The following SLC17A1 variants were observed in gnomAD, a reference collection of about 807,000 sequenced individuals.
The protein encoded by SLC17A1 is solute carrier family 17 member 1.
Under a neutral mutation model 53.5 loss-of-function variants are expected in SLC17A1, and 51 were observed. The ratio of observed to expected loss-of-function variants is 0.95; its 90% CI spans 0.76 to 1.20. The LOEUF (loss-of-function observed/expected upper bound fraction) is 1.20, where lower values mean the gene tolerates loss of function less well. Among genes scored for constraint, SLC17A1 ranks in the 50% most tolerant of loss-of-function variants. The probability of loss-of-function intolerance (pLI) is 0.00; values close to 1 mark genes in which losing one functional copy is unlikely to be tolerated. For synonymous variants in SLC17A1, 179 were observed against 198.8 expected, an observed-to-expected ratio of 0.90 and a Z score of 0.84; for missense variants, 538 against 568.2, an observed-to-expected ratio of 0.95 and a Z score of 0.54.
At chr6:25,816,559 G>A (rs1764364240) in intron 6 of SLC17A1, among the ~76,000 whole-genome samples, 1 of 152,262 alleles carries the variant, frequency 6.6e-6, no homozygotes, top group Non-Finnish European at 1.5e-5. Context: ...GGAATCTAGG[G>A]CAAGCGCCCT....
At chr6:25,808,828 T>C (rs1764048949) in intron 10 of SLC17A1, among the ~76,000 whole-genome samples, 1 of 152,064 alleles carries the variant, frequency 6.6e-6, no homozygotes, top group Non-Finnish European at 1.5e-5. Context: ...ACAACCTCTA[T>C]GGAAAACAGT....
At position 25,803,136 on chromosome 6, in the gene SLC17A1, C is replaced by T. The variant is rs1447536322; in HGVS notation, c.1179-2156G>A. Among the ~76,000 whole-genome samples, 13 of 151,468 alleles carry T rather than the reference C, an allele frequency of 8.6e-5. No homozygotes were observed. The South Asian group carries it at 2.5e-3, about 29-fold the overall frequency. On this transcript the variant is annotated intron_variant, in intron 10 of 12. Transcript: ENST00000244527. ...TAATTTTTTGTATTTTTAGTAGAGA[C>T]GGGGTTTCACTGTATTAGCCAGGAT... is the stretch of plus-strand genomic sequence containing the variant.
At chr6:25,733,509 C>T in the SLC17A1 span, among the ~76,000 whole-genome samples, 1 of 151,882 alleles carries the variant, frequency 6.6e-6, no homozygotes, top group Admixed American at 6.6e-5. Context: ...AGACCGTAGC[C>T]ATGCTATGTT....
intron 12 of SLC17A1, among the ~76,000 whole-genome samples, chr6:25,786,812 G>A (rs1010974604): frequency 6.6e-6 from 1 of 152,108 alleles, no homozygotes; most frequent in African/African-American, 2.4e-5. Context: ...TAGCGGATGA[G>A]GAGAAAAGCC....
At chr6:25,831,574 A>T (rs1272207576) in intron 1 of SLC17A1, among the ~76,000 whole-genome samples, 1 of 152,154 alleles carries the variant, frequency 6.6e-6, no homozygotes, top group Non-Finnish European at 1.5e-5. Flanking sequence ...CACTCCAGAC[A>T]CATAGCAAAC....
the SLC17A1 span, chr6:25,771,113 G>C: frequency 1.0e-6 from 1 of 972,564 alleles, no homozygotes; most frequent in Non-Finnish European, 1.6e-6. Flanking sequence ...TATTTACATA[G>C]CTAAAGCTGG....
chr6:25,760,164 G>A, the SLC17A1 span, among the ~76,000 whole-genome samples: 1 of 152,144 alleles, frequency 6.6e-6, no homozygotes, highest in African/African-American at 2.4e-5. Context: ...ATAGGATCTG[G>A]TTCTTTTAAT....
chr6:25,812,781 TAC>T, intron 8 of SLC17A1, 48 bp downstream of exon 8: 3 of 1,416,274 alleles, frequency 2.1e-6, no homozygotes, highest in Non-Finnish European at 2.9e-6. Context: ...CAGACAAATG[TAC>T]ACAGAGTCTT....
chr6:25,725,532 A>C, the SLC17A1 span, among the ~76,000 whole-genome samples: 1 of 152,188 alleles, frequency 6.6e-6, no homozygotes. Flanking sequence ...TTAAACAGGA[A>C]GATTACACCT....
At chr6:25,735,824 G>A in the SLC17A1 span, among the ~76,000 whole-genome samples, 1 of 152,108 alleles carries the variant, frequency 6.6e-6, no homozygotes, top group Non-Finnish European at 1.5e-5. Flanking sequence ...GTCAATCAGG[G>A]CAGTCCACTC....
chr6:25,792,402 C>T (rs191673742), intron 12 of SLC17A1, among the ~76,000 whole-genome samples: 3 of 152,250 alleles, frequency 2.0e-5, no homozygotes, highest in Admixed American at 6.5e-5. Flanking sequence ...CCAAGGCAGG[C>T]GAATCACTTG....
the SLC17A1 span, among the ~76,000 whole-genome samples, chr6:25,772,474 C>G: frequency 6.6e-6 from 1 of 151,986 alleles, no homozygotes; most frequent in African/African-American, 2.4e-5. Context: ...GCTAGCCAAA[C>G]AAAGAGAGCT....
At chr6:25,743,895 G>C in the SLC17A1 span, among the ~76,000 whole-genome samples, 1 of 152,200 alleles carries the variant, frequency 6.6e-6, no homozygotes, top group Admixed American at 6.5e-5. Context: ...AGAATTACTG[G>C]GTTGAGCATG....
At chr6:25,807,057 A>T (rs535040790) in intron 10 of SLC17A1, among the ~76,000 whole-genome samples, 18 of 152,112 alleles carry the variant, frequency 1.2e-4, no homozygotes, top group Non-Finnish European at 1.3e-4. Context: ...GTAAAAAGAG[A>T]TTGCTTAATA....
At chr6:25,823,243 C>T (rs1764625975) in intron 3 of SLC17A1, among the ~76,000 whole-genome samples, 1 of 152,060 alleles carries the variant, frequency 6.6e-6, no homozygotes, top group Non-Finnish European at 1.5e-5. Context: ...TTTTGGCTAT[C>T]AGAAATAAAG....
Position 25,819,896 on chromosome 6 carries a change from C to T in SLC17A1, c.227G>A (p.Ser76Asn), listed in dbSNP as rs6933573. The T allele has an allele frequency of 6.5e-3, 10,548 of 1,611,108 alleles. 358 individuals carry two copies. In the African/African-American group the frequency reaches 0.094, roughly 14 times the overall value. ...DNIKNPMYNW[S>N]PDIQGIILSS... ...CAAGATGATTCCCTGGATATCTGGG[C>T]TCCAATTATACATAGGGTTCTAAAA... Residue 76 changes from serine to asparagine, a missense_variant, in exon 4 of 13, where the codon AGC becomes AAC. Coordinates refer to ENST00000244527, the MANE Select transcript of SLC17A1 (RefSeq NM_005074.5).
At chr6:25,726,509 G>A in the SLC17A1 span, 3 of 1,610,472 alleles carry the variant, frequency 1.9e-6, no homozygotes, top group Non-Finnish European at 1.7e-6. Flanking sequence ...TTTCCTCCCT[G>A]CTTCCCTCGT....
the SLC17A1 span, among the ~76,000 whole-genome samples, chr6:25,751,637 C>T: frequency 6.6e-6 from 1 of 152,196 alleles, no homozygotes; most frequent in Admixed American, 6.5e-5. Context: ...GTAGCCAAGA[C>T]ACGATGGTCA....
the SLC17A1 span, among the ~76,000 whole-genome samples, chr6:25,747,272 C>T: frequency 6.6e-6 from 1 of 152,176 alleles, no homozygotes; most frequent in Admixed American, 6.5e-5. Flanking sequence ...AACACAGCTC[C>T]TGAGAAAGAA....
Sources: allele counts gnomAD v4.1 joint callset (sites outside exome capture counted in the v4.1 genomes callset), GRCh38; gene constraint gnomAD v4.1.1; transcripts MANE v1.5; gene names NCBI Gene and HGNC (gene_info 2026-07-23, HGNC 2026-07-21).